The following KCNMA1 variants were observed in gnomAD, a reference collection of about 807,000 sequenced individuals.
KCNMA1 encodes Calcium-activated potassium channel subunit alpha-1.
KCNMA1 carries 29 observed loss-of-function variants against 140.0 expected under a neutral mutation model. The ratio of observed to expected loss-of-function variants is 0.21; its 90% confidence interval spans 0.15 to 0.28. The LOEUF is 0.28. Among genes scored for constraint, KCNMA1 ranks in the 10% least tolerant of loss-of-function variants. The pLI is 1.00. For synonymous variants in KCNMA1, 612 were observed against 611.9 expected (o/e 1.00, Z 0.00); for missense variants, 880 against 1,602.2 (o/e 0.55, Z 7.70).
chr10:76,900,041 T>C (rs2044404517), intron 25 of KCNMA1, among the ~76,000 whole-genome samples: 2 of 152,080 alleles, frequency 1.3e-5, no homozygotes, highest in South Asian at 4.1e-4. Flanking sequence ...TTTATGGTAC[T>C]GGGTTTTAAG....
intron 1 of KCNMA1, among the ~76,000 whole-genome samples, chr10:77,430,655 A>G (rs950316146): frequency 1.3e-5 from 2 of 152,170 alleles, no homozygotes; most frequent in African/African-American, 4.8e-5. Flanking sequence ...TTTTGCAGAC[A>G]TAGTTGAGAA....
intron 9 of KCNMA1, among the ~76,000 whole-genome samples, chr10:77,106,499 C>T (rs374999281): frequency 1.3e-5 from 2 of 151,630 alleles, no homozygotes; most frequent in African/African-American, 4.9e-5. Context: ...CCAGCCCACC[C>T]ACCAGCTCAC....
intron 2 of KCNMA1, among the ~76,000 whole-genome samples, chr10:77,261,984 T>G (rs1190204553): frequency 2.6e-5 from 4 of 152,176 alleles, no homozygotes; most frequent in African/African-American, 9.7e-5. Flanking sequence ...CGTAGTCAGG[T>G]CAGAAGTTGC....
At chr10:77,622,101 T>C (rs1298258718) in intron 1 of KCNMA1, among the ~76,000 whole-genome samples, 2 of 152,154 alleles carry the variant, frequency 1.3e-5, no homozygotes, top group African/African-American at 4.8e-5. Flanking sequence ...TATAGCCCAC[T>C]GCCTGTCAGG....
At chr10:76,975,546 C>T (rs2116831) in intron 19 of KCNMA1, 39,409 of 152,138 alleles carry the variant, frequency 0.26, 5,370 homozygotes, top group East Asian at 0.48. Context: ...GGATGGATCC[C>T]GTGGTGGGGA....
In KCNMA1 at chr10:77,034,261, A is replaced by AG. The variant is rs1051280935; in HGVS notation, c.1859+5266_1859+5267insC. ...TCCATCTCAAAAAAAAAAAAAAAAA[A>AG]AGAGAGAGATCTGAGCCTCTCCATA... On this transcript the variant is annotated intron_variant, in intron 15 of 27. Transcript: ENST00000286628. 1.5e-4 allele frequency among the ~76,000 whole-genome samples: 22 copies of AG among 151,514 alleles called. 2 individuals are homozygous for AG. Among genetic ancestry groups the AG allele is most frequent in the Middle Eastern group, 3.4e-3 (1 of 290 alleles).
chr10:77,322,211 T>C (rs1242645698), intron 2 of KCNMA1, among the ~76,000 whole-genome samples: 1 of 152,192 alleles, frequency 6.6e-6, no homozygotes, highest in African/African-American at 2.4e-5. Context: ...GGACATATAT[T>C]ATTTCTGTGC....
chr10:77,120,658 C>G (rs1284791699), intron 6 of KCNMA1, among the ~76,000 whole-genome samples: 3 of 152,142 alleles, frequency 2.0e-5, no homozygotes. Flanking sequence ...CACTGTGCAC[C>G]TTTCCCCTTG....
At chr10:77,190,773 G>A (rs1598345215) in intron 3 of KCNMA1, among the ~76,000 whole-genome samples, 1 of 152,250 alleles carries the variant, frequency 6.6e-6, no homozygotes, top group South Asian at 2.1e-4. Context: ...GTGTGGGGTG[G>A]TGGTATCAGG....
intron 10 of KCNMA1, among the ~76,000 whole-genome samples, chr10:77,089,880 A>C (rs1158401596): frequency 6.6e-6 from 1 of 152,204 alleles, no homozygotes; most frequent in Non-Finnish European, 1.5e-5. Context: ...TTTGTGGAGT[A>C]AATGGGAGCC....
chr10:77,339,044 T>G (rs1446065780), intron 2 of KCNMA1, among the ~76,000 whole-genome samples: 3 of 152,036 alleles, frequency 2.0e-5, no homozygotes, highest in African/African-American at 7.2e-5. Context: ...AAAAACAACC[T>G]TTATGTATAA....
chr10:77,056,074 C>A (rs1338450373), intron 14 of KCNMA1, among the ~76,000 whole-genome samples: 1 of 152,146 alleles, frequency 6.6e-6, no homozygotes, highest in African/African-American at 2.4e-5. Flanking sequence ...CCATAAGAAC[C>A]TGTAGCCTAA....
At chr10:76,930,962 A>C (rs2059125820) in intron 23 of KCNMA1, among the ~76,000 whole-genome samples, 1 of 152,144 alleles carries the variant, frequency 6.6e-6, no homozygotes, top group South Asian at 2.1e-4. Context: ...CAGAAAGTAG[A>C]ACAGTGGTGG....
At chr10:76,957,871 G>T (rs1261936286) in intron 20 of KCNMA1, among the ~76,000 whole-genome samples, 1 of 152,186 alleles carries the variant, frequency 6.6e-6, no homozygotes, top group Non-Finnish European at 1.5e-5. Context: ...AACACAATTC[G>T]TTCCAGCAAC....
At chr10:77,379,993 G>A (rs1467971574) in intron 2 of KCNMA1, among the ~76,000 whole-genome samples, 2 of 152,160 alleles carry the variant, frequency 1.3e-5, no homozygotes, top group Admixed American at 6.5e-5. Context: ...GATTAATGAG[G>A]TGATGTAGAA....
intron 1 of KCNMA1, among the ~76,000 whole-genome samples, chr10:77,411,204 T>C (rs1315172660): frequency 6.6e-6 from 1 of 152,092 alleles, no homozygotes; most frequent in Non-Finnish European, 1.5e-5. Flanking sequence ...GGTTTCACCA[T>C]GTCTGTTTCA....
intron 3 of KCNMA1, among the ~76,000 whole-genome samples, chr10:77,242,184 G>C (rs1038770751): frequency 6.6e-6 from 1 of 152,166 alleles, no homozygotes; most frequent in Non-Finnish European, 1.5e-5. Context: ...AGATGCTTCT[G>C]GAAATTTCCA....
chr10:77,143,119 G>GA (rs972349244), intron 5 of KCNMA1, among the ~76,000 whole-genome samples: 12 of 151,318 alleles, frequency 7.9e-5, no homozygotes, highest in African/African-American at 2.4e-4. Flanking sequence ...ATTATGAAAA[G>GA]AAAAAAAATT....
intron 1 of KCNMA1, among the ~76,000 whole-genome samples, chr10:77,609,690 A>G (rs1603638422): frequency 6.6e-6 from 1 of 152,244 alleles, no homozygotes; most frequent in Non-Finnish European, 1.5e-5. Flanking sequence ...AACATGTTGT[A>G]TACAATAAAC....
Sources: gnomAD v4.1 joint callset for allele counts (sites outside exome capture counted in the v4.1 genomes callset) on GRCh38, gnomAD v4.1.1 for gene constraint, MANE v1.5 for transcripts, NCBI Gene and HGNC (gene_info 2026-07-23, HGNC 2026-07-21) for gene names.